The following CEP104 variants were observed in gnomAD, a reference collection of about 807,000 sequenced individuals.
CEP104 encodes centrosomal protein of 104 kDa.
Under a neutral mutation model 113.3 loss-of-function variants are expected in CEP104, and 84 were observed. That is an observed-to-expected ratio of 0.74 (90% CI 0.62 to 0.89). The LOEUF is 0.89. CEP104 is among the 40% of genes least tolerant of loss of function. The pLI, the probability that CEP104 is intolerant of heterozygous loss-of-function variation, is 0.00. For synonymous variants in CEP104, 378 were observed against 421.7 expected (o/e 0.90, Z 1.27); for missense variants, 1,053 against 1,156.6 (o/e 0.91, Z 1.30).
intron 12 of CEP104, among the ~76,000 whole-genome samples, chr1:3,832,713 C>T (rs2124663925): frequency 6.6e-6 from 1 of 152,280 alleles, no homozygotes; most frequent in East Asian, 1.9e-4. Flanking sequence ...GAGACACTGT[C>T]TTTCTCTGTC....
At chr1:3,822,553 A>G (rs533033521) in intron 20 of CEP104, among the ~76,000 whole-genome samples, 12 of 152,316 alleles carry the variant, frequency 7.9e-5, no homozygotes, top group Non-Finnish European at 1.2e-4. Context: ...TGCCTGGCAT[A>G]AAGAGGGCAC....
rs140512094 is a variant in CEP104 at position 3,831,062 on chromosome 1, A to G, written c.1820T>C (p.Ile607Thr). Reference sequence around the variant, plus strand: ...TCTGCTTACCTTCATCACGTTGTCAATGGTGAAGCCCGAGCTGCCAGTGCC... The same window carrying G: ...TCTGCTTACCTTCATCACGTTGTCAGTGGTGAAGCCCGAGCTGCCAGTGCC... ...DLGTGSSGFT[I>T]DNVMKFSVSA... The change falls in exon 13 of 22, where the codon ATT (isoleucine) becomes ACT (threonine). Residue 607 changes from isoleucine to threonine, a missense_variant. Coordinates refer to ENST00000378230, the MANE Select transcript of CEP104 (RefSeq NM_014704.4). 282 of 1,613,786 alleles carry G rather than the reference A, an allele frequency of 1.7e-4. 3 individuals carry two copies. The highest frequency in any genetic ancestry group is 5.9e-4 in the South Asian group (54 of 91,068).
chr1:3,829,855 A>C lies in CEP104; in HGVS notation c.1979T>G (p.Leu660Arg). 2 of 1,614,238 alleles carry C rather than the reference A, an allele frequency of 1.2e-6. No individual in the cohort carries two copies. Among genetic ancestry groups the C allele is most frequent in the Non-Finnish European group, 1.7e-6 (2 of 1,180,050 alleles). The change falls in exon 14 of 22, where the codon CTC (leucine) becomes CGC (arginine). Residue 660 changes from leucine (L) to arginine (R), a missense_variant. Coordinates refer to ENST00000378230, the MANE Select transcript of CEP104 (RefSeq NM_014704.4). The stretch of plus-strand genomic sequence containing the variant: ...AAATCCCTCAAAAATTGTTTTGTAG[A>C]GAATGTTCCTGCGTGTGTTGCTGTC... ...PDDSNTRRNI[L>R]YKTIFEGFAK... is the part of the protein sequence containing the mutation.
chr1:3,848,058 A>C (rs183195838), intron 3 of CEP104, among the ~76,000 whole-genome samples: 31 of 152,248 alleles, frequency 2.0e-4, no homozygotes, highest in Non-Finnish European at 4.0e-4. Context: ...TGGTCATCTA[A>C]TTAGCATTCT....
At chr1:3,817,807 G>C (rs1104855) in intron 20 of CEP104, among the ~76,000 whole-genome samples, 97,725 of 152,188 alleles carry the variant, frequency 0.64, 32,877 homozygotes, top group African/African-American at 0.86. Context: ...GCAGACACGT[G>C]GCAGGGCAGG....
chr1:3,838,898 G>T, intron 8 of CEP104, 66 bp downstream of exon 8: 1 of 1,555,182 alleles, frequency 6.4e-7, no homozygotes. Flanking sequence ...CCACTGTTGT[G>T]AACCACACAG....
chr1:3,816,500 G>T, intron 20 of CEP104, 130 bp from the exon 21 acceptor site: 1 of 655,792 alleles, frequency 1.5e-6, no homozygotes, highest in Non-Finnish European at 2.6e-6. Flanking sequence ...GCAGAAGAAC[G>T]GCTCCCTCAC....
intron 8 of CEP104, 81 bp downstream of exon 8, chr1:3,838,883 T>C (rs1570817275): frequency 6.8e-7 from 1 of 1,460,622 alleles, no homozygotes; most frequent in East Asian, 2.3e-5. Flanking sequence ...TTCAAAGACA[T>C]CTATCCACTG....
In CEP104 at chr1:3,832,842, G is replaced by A. The variant is rs142509487; in HGVS notation, c.1659+1020C>T. 3.3e-3 allele frequency among the ~76,000 whole-genome samples: 507 copies of A among 152,126 alleles called. 10 individuals carry two copies. Among genetic ancestry groups the A allele is most frequent in the Admixed American group, 0.023 (346 of 15,260 alleles). On this transcript the variant is annotated intron_variant, in intron 12 of 21. Transcript: ENST00000378230. ...ACTACAGGGGTGTATCAGCATGCCCGGCTAATTTTTGTATTTTTTGCAGAG... is the reference window on the plus strand; with the variant it reads ...ACTACAGGGGTGTATCAGCATGCCCAGCTAATTTTTGTATTTTTTGCAGAG...
chr1:3,843,450 C>G (rs1383807428), intron 6 of CEP104: 1 of 459,406 alleles, frequency 2.2e-6, no homozygotes, highest in Non-Finnish European at 3.8e-6. Context: ...GATCTCGGCT[C>G]AAGCGATCTT....
chr1:3,827,616 ACTCCATGCCACCACAGTGTGC>A (rs1644117131), intron 15 of CEP104, among the ~76,000 whole-genome samples: 1 of 152,160 alleles, frequency 6.6e-6, no homozygotes, highest in Admixed American at 6.5e-5. Flanking sequence ...ATGTGAGAGC[ACTCCATGCCACCACAGTGTGC>A]ACTGAAAATG....
At chr1:3,845,139 T>A (rs1046478675) in intron 5 of CEP104, 150 bp downstream of exon 5, 1 of 810,132 alleles carries the variant, frequency 1.2e-6, no homozygotes, top group Non-Finnish European at 2.0e-6. Flanking sequence ...AAGTTTCATA[T>A]GCTACAGCTC....
At position 3,831,253 on chromosome 1, in the gene CEP104, T is replaced by A. The variant is rs765520948; in HGVS notation, c.1660-31A>T. 1.0e-5 allele frequency: 16 copies of A among 1,596,270 alleles called. No individual in the cohort carries two copies. In the African/African-American group the frequency reaches 2.1e-4, roughly 21 times the overall value. ...AAAGCCAAGGTAATTTGTTAATTTT[T>A]ACTGGAAAATGCTGGAGGCAGTTTA... On this transcript the variant is annotated intron_variant, in intron 12 of 21. Transcript: ENST00000378230.
chr1:3,816,369 G>A lies in CEP104; in HGVS notation c.2573C>T (p.Ala858Val). The part of the protein sequence containing the change: ...CHENFSPGEE[A>V]WKAHLMGPAG... ...TGGGCCCATCAGGTGAGCTTTCCAT[G>A]CCTGCAGCAGAGGAGGCACACAGAG... The change falls in exon 21 of 22, where the codon GCA becomes GTA. Residue 858 changes from alanine (A) to valine (V), a missense_variant and splice_region_variant. Coordinates refer to ENST00000378230, the MANE Select transcript of CEP104 (RefSeq NM_014704.4). 1 of 1,550,576 alleles carries A rather than the reference G, an allele frequency of 6.4e-7. No individual in the cohort carries two copies. The highest frequency in any genetic ancestry group is 8.7e-7 in the Non-Finnish European group (1 of 1,146,854).
rs1417229817 is a variant in CEP104 at position 3,819,571 on chromosome 1, A to G, written c.2572-3201T>C. Among the ~76,000 whole-genome samples the G allele has an allele frequency of 2.6e-5, 4 of 152,208 alleles. No homozygotes were observed. Among genetic ancestry groups the G allele is most frequent in the Non-Finnish European group, 5.9e-5 (4 of 68,042 alleles). Reference sequence around the variant, plus strand: ...GCCAAACACAAATACTAGAATTGGAAAGTACCAGATTGAAAATGAATTCAC... The same window carrying G: ...GCCAAACACAAATACTAGAATTGGAGAGTACCAGATTGAAAATGAATTCAC... On this transcript the variant is annotated intron_variant, in intron 20 of 21. Transcript: ENST00000378230. This position sits in a 1 kb window ranked among gnomAD's most constrained non-coding sequence, Gnocchi z 4.6.
chr1:3,843,376 ATTT>A (rs34104489), intron 6 of CEP104: 1,069 of 340,540 alleles, frequency 3.1e-3, no homozygotes, highest in South Asian at 6.1e-3. Context: ...AATATGTATA[ATTT>A]TTTTTTTTTT....
intron 20 of CEP104, among the ~76,000 whole-genome samples, chr1:3,816,666 A>G (rs1272109351): frequency 6.6e-6 from 1 of 152,228 alleles, no homozygotes; most frequent in Non-Finnish European, 1.5e-5. Flanking sequence ...AGCACAGCAG[A>G]GCGTGCACGC....
At chr1:3,826,267 G>A in intron 17 of CEP104, 103 bp downstream of exon 17, 1 of 938,042 alleles carries the variant, frequency 1.1e-6, no homozygotes, top group Admixed American at 1.9e-5. Flanking sequence ...CTTTTATGAT[G>A]ACTACGAAGG....
chr1:3,843,241 C>T (rs1472885046), intron 6 of CEP104: 1 of 713,456 alleles, frequency 1.4e-6, no homozygotes, highest in Admixed American at 2.0e-5. Context: ...AAAGAGGTGC[C>T]CAGGACAGAG....
Sources: gnomAD v4.1 joint callset for allele counts (sites outside exome capture counted in the v4.1 genomes callset) on GRCh38, gnomAD v4.1.1 for gene constraint, Gnocchi (gnomAD v3.1) non-coding constraint, MANE v1.5 for transcripts, NCBI Gene and HGNC (gene_info 2026-07-23, HGNC 2026-07-21) for gene names.